FRMD4B: variants seen among roughly 807,000 people sequenced by gnomAD.
The protein encoded by FRMD4B is FERM domain-containing protein 4B.
Under a neutral mutation model 141.5 loss-of-function variants are expected in FRMD4B, and 74 were observed. The observed-to-expected ratio is 0.52, with a 90% confidence interval of 0.43 to 0.63. The LOEUF (loss-of-function observed/expected upper bound fraction) is 0.63. FRMD4B is among the 30% of genes least tolerant of loss of function. FRMD4B has a pLI of 0.00. For missense variants in FRMD4B, 1,366 were observed against 1,253.4 expected, an observed-to-expected ratio of 1.09 and a Z score of -1.36; for synonymous variants, 506 against 467.9, an observed-to-expected ratio of 1.08 and a Z score of -1.05.
chr3:69,227,339 C>T (rs1359980870), intron 7 of FRMD4B, among the ~76,000 whole-genome samples: 1 of 152,022 alleles, frequency 6.6e-6, no homozygotes, highest in Non-Finnish European at 1.5e-5. Context: ...GGATTAGGAT[C>T]ATTTTAAGGA....
chr3:69,479,679 T>C (rs4643713), intron 1 of FRMD4B, among the ~76,000 whole-genome samples: 16,746 of 152,212 alleles, frequency 0.11, 1,027 homozygotes, highest in South Asian at 0.19. Context: ...CTGACAATTA[T>C]GTGTCTTGGA....
At chr3:69,540,025 T>C (rs1286723062) in intron 1 of FRMD4B, among the ~76,000 whole-genome samples, 1 of 151,988 alleles carries the variant, frequency 6.6e-6, no homozygotes, top group Non-Finnish European at 1.5e-5. Context: ...AAACCCGGTC[T>C]CTACTAAAAA....
At chr3:69,465,336 AC>A (rs1705765872) in intron 1 of FRMD4B, among the ~76,000 whole-genome samples, 2 of 148,018 alleles carry the variant, frequency 1.4e-5, no homozygotes, top group African/African-American at 2.5e-5. Flanking sequence ...AAAAAAAAAA[AC>A]CTTCAGGAAA....
At chr3:69,540,678 CACA>C in intron 1 of FRMD4B, among the ~76,000 whole-genome samples, 1 of 130,672 alleles carries the variant, frequency 7.7e-6, no homozygotes, top group Non-Finnish European at 1.6e-5. Context: ...CACACACACA[CACA>C]CACACACACA....
At chr3:69,267,694 C>A (rs1203293215) in intron 5 of FRMD4B, among the ~76,000 whole-genome samples, 5 of 112,490 alleles carry the variant, frequency 4.4e-5, no homozygotes, top group African/African-American at 1.8e-4. Flanking sequence ...GAGAGAGTGT[C>A]TGTCTGTCCC....
At chr3:69,288,239 C>A (rs533974066) in intron 4 of FRMD4B, among the ~76,000 whole-genome samples, 1 of 152,372 alleles carries the variant, frequency 6.6e-6, no homozygotes, top group Non-Finnish European at 1.5e-5. Flanking sequence ...CACTACCTAA[C>A]CGAACCCCAA....
Position 69,386,070 on chromosome 3 carries a change from C to T in FRMD4B, c.-81G>A. The stretch of plus-strand genomic sequence containing the variant: ...CCCCAGCGGCCTGCCCGCCTGGGCT[C>T]CCGACGCCGGCTTCTGCTGGCAGCC... On this transcript the variant is annotated 5_prime_UTR_variant, in exon 1 of 23. Coordinates refer to ENST00000398540, the MANE Select transcript of FRMD4B (RefSeq NM_015123.3). 3 of 1,271,748 alleles carry T rather than the reference C, an allele frequency of 2.4e-6. No homozygotes were observed. Among genetic ancestry groups the T allele is most frequent in the Middle Eastern group, 2.2e-4 (1 of 4,636 alleles). 78.8% of individuals were successfully genotyped at this position (1,271,748 alleles called of 1,614,324 possible).
intron 1 of FRMD4B, among the ~76,000 whole-genome samples, chr3:69,362,534 G>A (rs1332347922): frequency 6.6e-6 from 1 of 152,060 alleles, no homozygotes; most frequent in Non-Finnish European, 1.5e-5. Context: ...AAAATTAGCT[G>A]GGCACGGTGG....
At chr3:69,449,782 T>C (rs1003245994) in intron 1 of FRMD4B, among the ~76,000 whole-genome samples, 2 of 152,220 alleles carry the variant, frequency 1.3e-5, no homozygotes, top group Admixed American at 6.5e-5. Context: ...TGCAGAAATT[T>C]TGGAAAACCC....
At chr3:69,348,089 G>A (rs1703009722) in intron 1 of FRMD4B, among the ~76,000 whole-genome samples, 1 of 152,010 alleles carries the variant, frequency 6.6e-6, no homozygotes, top group African/African-American at 2.4e-5. Context: ...CTGCTAGCAA[G>A]ACTAATAAAG....
intron 7 of FRMD4B, among the ~76,000 whole-genome samples, chr3:69,246,819 C>G (rs998237619): frequency 2.6e-5 from 4 of 152,214 alleles, no homozygotes; most frequent in African/African-American, 7.2e-5. Flanking sequence ...CAGGAACAAG[C>G]TCGAGTGAAG....
intron 4 of FRMD4B, among the ~76,000 whole-genome samples, 192 bp from the exon 5 acceptor site, chr3:69,288,028 C>T (rs1700748814): frequency 1.3e-5 from 2 of 152,214 alleles, no homozygotes; most frequent in Admixed American, 1.3e-4. Context: ...TACCTAAAAT[C>T]TCTTTCAGGA....
At chr3:69,447,924 A>G (rs975811087) in intron 1 of FRMD4B, among the ~76,000 whole-genome samples, 1 of 151,958 alleles carries the variant, frequency 6.6e-6, no homozygotes, top group Non-Finnish European at 1.5e-5. Context: ...TTGTATGGCT[A>G]TATCACAATT....
chr3:69,187,880 A>G lies in FRMD4B; in HGVS notation c.1809T>C (p.Ser603=). 1 of 1,604,204 alleles carries G rather than the reference A, an allele frequency of 6.2e-7. No individual in the cohort carries two copies. Among genetic ancestry groups the G allele is most frequent in the East Asian group, 2.2e-5 (1 of 44,736 alleles). Residue 603 remains serine, a synonymous_variant, in exon 19 of 23, where the codon AGT becomes AGC. Coordinates refer to ENST00000398540, the MANE Select transcript of FRMD4B (RefSeq NM_015123.3). ...DAFTFPGQRS[S]SVPHSPRILP... is the part of the protein sequence containing the mutation. ...GAATTCTTGGAGAATGAGGTACTGA[A>G]CTTGATCGCTGCCCAGGAAAAGTGA...
rs72930228 is a variant in FRMD4B at position 69,197,058 on chromosome 3, A to G, written c.954-20T>C. 8,559 of 1,605,508 alleles carry G rather than the reference A, an allele frequency of 5.3e-3. 358 individuals are homozygous for G. In the African/African-American group the frequency reaches 0.091, roughly 17 times the overall value. On this transcript the variant is annotated intron_variant, in intron 12 of 22. Coordinates refer to ENST00000398540, the MANE Select transcript of FRMD4B (RefSeq NM_015123.3). ...GAAATCCTGAAAGATTAAAGAAAGC[A>G]CTCAAATAATTCCCCTCTGGCCCAG... is the stretch of plus-strand genomic sequence containing the variant.
At chr3:69,332,202 T>C (rs981540945) in intron 1 of FRMD4B, among the ~76,000 whole-genome samples, 1 of 152,160 alleles carries the variant, frequency 6.6e-6, no homozygotes, top group East Asian at 1.9e-4. Flanking sequence ...TTCCACTCTG[T>C]CCCTGGACCT....
chr3:69,366,300 C>A (rs1703654029), intron 1 of FRMD4B, among the ~76,000 whole-genome samples: 1 of 150,888 alleles, frequency 6.6e-6, no homozygotes, highest in Non-Finnish European at 1.5e-5. Flanking sequence ...AAATTGACAA[C>A]AACTTAATGT....
chr3:69,476,065 G>A (rs1252935960), intron 1 of FRMD4B, among the ~76,000 whole-genome samples: 1 of 150,570 alleles, frequency 6.6e-6, no homozygotes, highest in African/African-American at 2.5e-5. Flanking sequence ...TTTTTTTCTT[G>A]TAAATTTGTT....
rs181607048 is a variant in FRMD4B at position 69,248,128 on chromosome 3, A to C, written c.581+1098T>G. On this transcript the variant is annotated intron_variant, in intron 7 of 22. Transcript: ENST00000398540. ...CCTTTAATGATACTAATGGTCTGTA[A>C]ACTACCTTATACTCTTGTTTTTTTT... Among the ~76,000 whole-genome samples, 192 of 151,436 alleles carry C rather than the reference A, an allele frequency of 1.3e-3. 1 individual carries two copies. The highest frequency in any genetic ancestry group is 4.5e-3 in the African/African-American group (185 of 41,332).
Sources: allele counts gnomAD v4.1 joint callset (sites outside exome capture counted in the v4.1 genomes callset), GRCh38; gene constraint gnomAD v4.1.1; transcripts MANE v1.5; gene names NCBI Gene and HGNC (gene_info 2026-07-23, HGNC 2026-07-21).